The following BFAR variants were observed in gnomAD, a reference collection of about 807,000 sequenced individuals.
BFAR encodes RING finger protein 47.
In BFAR, 52 loss-of-function variants were observed where a neutral mutation model predicts 54.4. That is an observed-to-expected ratio of 0.96 (90% CI 0.77 to 1.21). The LOEUF is 1.21. BFAR is among the 50% of genes most tolerant of loss of function. BFAR has a pLI of 0.00. For synonymous variants in BFAR, 215 were observed against 204.3 expected (o/e 1.05, Z -0.45); for missense variants, 571 against 534.0 (o/e 1.07, Z -0.68).
chr16:14,639,957 G>A (rs570865121), intron 1 of BFAR, among the ~76,000 whole-genome samples: 2 of 151,946 alleles, frequency 1.3e-5, no homozygotes, highest in Admixed American at 6.6e-5. Flanking sequence ...TTAGGAGTTC[G>A]AGATCAGCCT....
chr16:14,649,154 C>T, intron 3 of BFAR, among the ~76,000 whole-genome samples: 1 of 149,662 alleles, frequency 6.7e-6, no homozygotes, highest in South Asian at 2.1e-4. Context: ...CGGCTCACTG[C>T]CACCTCCACC....
intron 5 of BFAR, among the ~76,000 whole-genome samples, chr16:14,657,670 G>C (rs1040465800): frequency 6.6e-6 from 1 of 152,050 alleles, no homozygotes; most frequent in Non-Finnish European, 1.5e-5. Flanking sequence ...ACCCTCCAGA[G>C]TAGCTAGGAA....
chr16:14,647,448 T>C (rs1596975420), intron 2 of BFAR, among the ~76,000 whole-genome samples: 1 of 151,476 alleles, frequency 6.6e-6, no homozygotes, highest in Admixed American at 6.6e-5. Context: ...GTAATCCCAG[T>C]ACCTTGGGAG....
At chr16:14,640,049 G>A (rs1202434364) in intron 1 of BFAR, among the ~76,000 whole-genome samples, 3 of 151,850 alleles carry the variant, frequency 2.0e-5, no homozygotes, top group Non-Finnish European at 2.9e-5. Context: ...TACATAGGAG[G>A]CTGAGGCAGG....
intron 5 of BFAR, 33 bp downstream of exon 5, chr16:14,655,243 C>A (rs975140615): frequency 7.5e-6 from 7 of 939,512 alleles, no homozygotes; most frequent in Non-Finnish European, 1.0e-5. Flanking sequence ...TTTTTTTTTA[C>A]TTTTTATTTT....
At chr16:14,637,648 C>T (rs1054265297) in intron 1 of BFAR, among the ~76,000 whole-genome samples, 1 of 152,066 alleles carries the variant, frequency 6.6e-6, no homozygotes, top group Admixed American at 6.6e-5. Flanking sequence ...CCAGCCTGGC[C>T]AACATGGTGA....
intron 4 of BFAR, among the ~76,000 whole-genome samples, chr16:14,653,423 G>A (rs923766181): frequency 2.0e-5 from 3 of 152,042 alleles, no homozygotes; most frequent in Non-Finnish European, 4.4e-5. Context: ...CACCTCCTGG[G>A]TTCAAGCGAT....
chr16:14,659,407 AT>A (rs1311193907), intron 5 of BFAR, among the ~76,000 whole-genome samples: 2 of 148,500 alleles, frequency 1.3e-5, no homozygotes, highest in Non-Finnish European at 3.0e-5. Context: ...ACACCGGCTA[AT>A]TTTTTTTGTA....
intron 3 of BFAR, among the ~76,000 whole-genome samples, chr16:14,649,248 G>C (rs1959896495): frequency 6.6e-6 from 1 of 151,534 alleles, no homozygotes; most frequent in Admixed American, 6.6e-5. Flanking sequence ...GCTAATTTTT[G>C]TGTGATTAGT....
intron 5 of BFAR, 131 bp from the exon 6 acceptor site, chr16:14,661,761 C>T (rs1288732364): frequency 3.0e-6 from 3 of 993,428 alleles, no homozygotes; most frequent in Non-Finnish European, 4.5e-6. Context: ...CTCTTCTTGC[C>T]GTTCATTCAT....
intron 5 of BFAR, among the ~76,000 whole-genome samples, chr16:14,655,805 C>T (rs1249556182): frequency 1.3e-5 from 2 of 152,172 alleles, no homozygotes; most frequent in Non-Finnish European, 2.9e-5. Flanking sequence ...GTTGGAATAT[C>T]ACTGGAGGAC....
chr16:14,647,830 C>G (rs984801298), intron 2 of BFAR, among the ~76,000 whole-genome samples: 1 of 152,162 alleles, frequency 6.6e-6, no homozygotes, highest in African/African-American at 2.4e-5. Flanking sequence ...CCAGCAAATG[C>G]ATTTAAAATT....
intron 5 of BFAR, among the ~76,000 whole-genome samples, chr16:14,661,583 A>G (rs1436227865): frequency 6.6e-5 from 10 of 151,698 alleles, no homozygotes; most frequent in Admixed American, 2.0e-4. Flanking sequence ...TTTTATTTGT[A>G]GTACAGACAG....
At chr16:14,636,625 T>C (rs965651606) in intron 1 of BFAR, among the ~76,000 whole-genome samples, 1 of 152,226 alleles carries the variant, frequency 6.6e-6, no homozygotes, top group Non-Finnish European at 1.5e-5. Flanking sequence ...TGCCTTCCTC[T>C]TGGCTCAACT....
intron 2 of BFAR, among the ~76,000 whole-genome samples, chr16:14,647,790 A>G (rs970845863): frequency 1.3e-5 from 2 of 152,188 alleles, no homozygotes; most frequent in African/African-American, 4.8e-5. Flanking sequence ...TGTACGTCTT[A>G]AATTTCTCCA....
At chr16:14,650,911 T>C (rs929865580) in intron 4 of BFAR, among the ~76,000 whole-genome samples, 1 of 152,366 alleles carries the variant, frequency 6.6e-6, no homozygotes, top group East Asian at 1.9e-4. Context: ...GTCAAACTAT[T>C]TTCCACAGCA....
In BFAR at chr16:14,648,392, G is replaced by A; in HGVS notation, c.268G>A (p.Ala90Thr). Reference protein sequence around the residue: ...FPKVSILLRDAIEKLFPDAIR... With the variant: ...FPKVSILLRDTIEKLFPDAIR... ...TTTTTTTTCTATTCTCCATAGGGAT[G>A]CCATTGAAAAGTTATTTCCTGATGC... is the stretch of plus-strand genomic sequence containing the variant. Residue 90 changes from alanine to threonine, a missense_variant, in exon 3 of 8, where the codon GCC becomes ACC. Coordinates refer to ENST00000261658, the MANE Select transcript of BFAR (RefSeq NM_016561.3). The A allele has an allele frequency of 6.2e-7, 1 of 1,609,336 alleles. No individual in the cohort carries two copies. Among genetic ancestry groups the A allele is most frequent in the Non-Finnish European group, 8.5e-7 (1 of 1,176,180 alleles).
chr16:14,667,819 G>T lies in BFAR; in HGVS notation c.1345G>T (p.Val449Leu). 6.2e-7 allele frequency: 1 copy of T among 1,614,038 alleles called. No individual in the cohort carries two copies. The change falls in exon 8 of 8, where the codon GTG becomes TTG. Residue 449 changes from valine to leucine, a missense_variant. Val to Leu is a conservative substitution (Grantham distance 32, BLOSUM62 1). Transcript: ENST00000261658. The part of the protein sequence containing the change: ...VKELRRLETQ[V>L]L ...GGAACTCCGGCGGCTGGAAACCCAGGTGTTGTGACTGGCACTGCCCAGGCT... is the reference window on the plus strand; with the variant it reads ...GGAACTCCGGCGGCTGGAAACCCAGTTGTTGTGACTGGCACTGCCCAGGCT...
intron 7 of BFAR, among the ~76,000 whole-genome samples, chr16:14,665,352 A>G (rs1471335891): frequency 6.6e-6 from 1 of 152,174 alleles, no homozygotes; most frequent in Non-Finnish European, 1.5e-5. Context: ...AAGGATTGTA[A>G]TAATCAAGGA....
Sources: allele counts gnomAD v4.1 joint callset (sites outside exome capture counted in the v4.1 genomes callset), GRCh38; gene constraint gnomAD v4.1.1; transcripts MANE v1.5; gene names NCBI Gene and HGNC (gene_info 2026-07-23, HGNC 2026-07-21).